ZNF282: variants seen among roughly 807,000 people sequenced by gnomAD.
The protein encoded by ZNF282 is HTLV-I U5 repressive element-binding protein 1.
A neutral mutation model predicts 61.9 loss-of-function variants in ZNF282; 30 were observed. The observed-to-expected ratio is 0.48, with a 90% CI of 0.36 to 0.66. The LOEUF is 0.66. ZNF282 is among the 30% of genes least tolerant of loss of function. ZNF282 has a pLI of 0.00. For missense variants in ZNF282, 788 were observed against 941.4 expected, an observed-to-expected ratio of 0.84 and a Z score of 2.13; for synonymous variants, 396 against 405.0, an observed-to-expected ratio of 0.98 and a Z score of 0.27.
Position 149,198,148 on chromosome 7 carries a change from GT to G in ZNF282, c.166-183del, listed in dbSNP as rs1425572124. ...TCACCTAGGCAGGAGATGGGAGAGT[GT>G]TGAGTTGGGTGGGTGGGTGAGTGGG... On this transcript the variant is annotated intron_variant, in intron 1 of 7. Transcript: ENST00000610704. The surrounding 1 kb of genome is among the most constrained non-coding windows in gnomAD (Gnocchi z 4.3). Among the ~76,000 whole-genome samples, 1 of 152,104 alleles carries G rather than the reference GT, an allele frequency of 6.6e-6. No homozygotes were observed. The highest frequency in any genetic ancestry group is 1.5e-5 in the Non-Finnish European group (1 of 68,008).
At chr7:149,204,188 G>A (rs952950960) in intron 2 of ZNF282, among the ~76,000 whole-genome samples, 2 of 152,128 alleles carry the variant, frequency 1.3e-5, no homozygotes, top group Non-Finnish European at 1.5e-5. Flanking sequence ...GTGCCAGATG[G>A]ACGGGAGGCA....
At position 149,198,875 on chromosome 7, in the gene ZNF282, GTCT is replaced by G. The variant is rs1433874806; in HGVS notation, c.585+128_585+130del. 3.0e-6 allele frequency: 4 copies of G among 1,352,396 alleles called. No individual in the cohort carries two copies. Among genetic ancestry groups the G allele is most frequent in the Admixed American group, 2.7e-5 (1 of 37,374 alleles). 83.8% of individuals were successfully genotyped at this position (1,352,396 alleles called of 1,614,324 possible). On this transcript the variant is annotated intron_variant, in intron 2 of 7. Coordinates refer to ENST00000610704, the MANE Select transcript of ZNF282 (RefSeq NM_003575.4). This position sits in a 1 kb window ranked among gnomAD's most constrained non-coding sequence, Gnocchi z 4.3. ...TGGCTCCCCGTTATCCAATTTCAGT[GTCT>G]TCTTAAAGCCTGTCTCCACTGAAAC...
At position 149,210,707 on chromosome 7, in the gene ZNF282, G is replaced by A. The variant is rs1236353408; in HGVS notation, c.952+3G>A. 6.3e-7 allele frequency: 1 copy of A among 1,585,574 alleles called. No individual in the cohort carries two copies. The highest frequency in any genetic ancestry group is 1.3e-5 in the African/African-American group (1 of 74,156). On this transcript the variant is annotated splice_donor_region_variant and intron_variant, in intron 5 of 7. Coordinates refer to ENST00000610704, the MANE Select transcript of ZNF282 (RefSeq NM_003575.4). ...CATCCCTACGGAATCCATTACCGGTGAGTGAGCCAAGCAGCCGTCCACACC... is the reference window on the plus strand; with the variant it reads ...CATCCCTACGGAATCCATTACCGGTAAGTGAGCCAAGCAGCCGTCCACACC...
intron 2 of ZNF282, 80 bp from the exon 3 acceptor site, chr7:149,206,616 G>T: frequency 6.3e-7 from 1 of 1,596,552 alleles, no homozygotes; most frequent in Non-Finnish European, 8.6e-7. Flanking sequence ...GTGGGGAGTG[G>T]GTCTTGTGGC....
At chr7:149,222,632 A>C (rs949370949) in intron 7 of ZNF282, among the ~76,000 whole-genome samples, 5 of 151,880 alleles carry the variant, frequency 3.3e-5, no homozygotes, top group Non-Finnish European at 7.4e-5. Flanking sequence ...ACAAAAATTT[A>C]TTTTTTATTT....
chr7:149,200,062 T>C (rs1186457544), intron 2 of ZNF282, among the ~76,000 whole-genome samples: 1 of 152,212 alleles, frequency 6.6e-6, no homozygotes, highest in African/African-American at 2.4e-5. Context: ...TTGAGATGTC[T>C]CTTAAGTCTT....
At chr7:149,218,337 C>T (rs1399783890) in intron 7 of ZNF282, among the ~76,000 whole-genome samples, 2 of 152,052 alleles carry the variant, frequency 1.3e-5, no homozygotes, top group African/African-American at 4.8e-5. Flanking sequence ...GAGAGTGTCA[C>T]TCATGGGTTG....
chr7:149,214,755 C>A (rs1210841167), intron 7 of ZNF282, among the ~76,000 whole-genome samples: 1 of 152,146 alleles, frequency 6.6e-6, no homozygotes, highest in Non-Finnish European at 1.5e-5. Flanking sequence ...ATCGCTTGAG[C>A]CTGGGAGGTC....
chr7:149,225,861 A>C lies in ZNF282; in HGVS notation c.*1214A>C, dbSNP rs1161917413. The C allele has an allele frequency of 2.6e-5, 4 of 152,728 alleles. No homozygotes were observed. Among genetic ancestry groups the C allele is most frequent in the Admixed American group, 6.5e-5 (1 of 15,280 alleles). 9.5% of individuals were successfully genotyped at this position (152,728 alleles called of 1,614,324 possible). On this transcript the variant is annotated 3_prime_UTR_variant, in exon 8 of 8. Coordinates refer to ENST00000610704, the MANE Select transcript of ZNF282 (RefSeq NM_003575.4). Reference sequence around the variant, plus strand: ...AAAGGATTCCCCTTCACGTTGGTGCACCTGCTCCATAGCTCCGGGCGCTGC... The same window carrying C: ...AAAGGATTCCCCTTCACGTTGGTGCCCCTGCTCCATAGCTCCGGGCGCTGC...
intron 2 of ZNF282, among the ~76,000 whole-genome samples, chr7:149,204,980 T>C (rs184422177): frequency 6.6e-5 from 10 of 152,038 alleles, no homozygotes; most frequent in African/African-American, 2.4e-4. Flanking sequence ...ACAAAAAAAT[T>C]AGCCAGGCGT....
intron 7 of ZNF282, among the ~76,000 whole-genome samples, chr7:149,223,192 T>G (rs1202210273): frequency 2.0e-5 from 3 of 151,194 alleles, no homozygotes; most frequent in African/African-American, 7.3e-5. Flanking sequence ...CAGGCTGGTC[T>G]CCAACTCCTG....
chr7:149,212,202 G>C (rs1796095142), intron 5 of ZNF282, 156 bp from the exon 6 acceptor site: 2 of 539,916 alleles, frequency 3.7e-6, no homozygotes, highest in Non-Finnish European at 6.5e-6. Context: ...TTGGGGCCAA[G>C]CTGACTTCAA....
At chr7:149,208,980 C>T (rs1796039311) in intron 4 of ZNF282, among the ~76,000 whole-genome samples, 1 of 134,586 alleles carries the variant, frequency 7.4e-6, no homozygotes, top group Non-Finnish European at 1.6e-5. Flanking sequence ...AAGATTGTGT[C>T]ACCGCACTCC....
intron 7 of ZNF282, among the ~76,000 whole-genome samples, chr7:149,222,472 G>C (rs1022732603): frequency 8.6e-5 from 13 of 152,016 alleles, no homozygotes; most frequent in African/African-American, 3.1e-4. Flanking sequence ...TCTTCCTATT[G>C]AGAGACTGTC....
At chr7:149,207,510 C>A in intron 4 of ZNF282, 40 bp downstream of exon 4, 1 of 1,552,066 alleles carries the variant, frequency 6.4e-7, no homozygotes, top group Non-Finnish European at 8.7e-7. Context: ...CAGGGAAGGG[C>A]GAGAGAGGAC....
chr7:149,210,674 G>C lies in ZNF282; in HGVS notation c.922G>C (p.Glu308Gln). 1 of 1,608,506 alleles carries C rather than the reference G, an allele frequency of 6.2e-7. No homozygotes were observed. Among genetic ancestry groups the C allele is most frequent in the African/African-American group, 1.3e-5 (1 of 74,846 alleles). Residue 308 changes from glutamate (E) to glutamine (Q), a missense_variant, in exon 5 of 8, where the codon GAA (glutamate) becomes CAA (glutamine). Physicochemically the swap from Glu to Gln is conservative, Grantham distance 29. Coordinates refer to ENST00000610704, the MANE Select transcript of ZNF282 (RefSeq NM_003575.4). ...LCVRGQRGLE[E>Q]RAIPTESITD... ...TGTCCGGGGTCAGCGGGGCCTGGAG[G>C]AAAGAGCCATCCCTACGGAATCCAT... is the stretch of plus-strand genomic sequence containing the variant.
chr7:149,197,354 G>A (rs1454700459), intron 1 of ZNF282, among the ~76,000 whole-genome samples: 3 of 152,204 alleles, frequency 2.0e-5, no homozygotes, highest in African/African-American at 7.2e-5. Context: ...TTTTCAATTT[G>A]GAAAATGTTT....
intron 7 of ZNF282, among the ~76,000 whole-genome samples, chr7:149,221,128 A>G (rs1796242821): frequency 6.6e-6 from 1 of 152,140 alleles, no homozygotes; most frequent in Non-Finnish European, 1.5e-5. Flanking sequence ...TAGGTTGCCT[A>G]GGCTGGTCTC....
intron 6 of ZNF282, 72 bp downstream of exon 6, chr7:149,212,543 T>C: frequency 8.3e-7 from 1 of 1,204,072 alleles, no homozygotes; most frequent in Non-Finnish European, 1.2e-6. Context: ...ATTAATAATT[T>C]ATTGTGTTTA....
Sources: gnomAD v4.1 joint callset for allele counts (sites outside exome capture counted in the v4.1 genomes callset) on GRCh38, gnomAD v4.1.1 for gene constraint, Gnocchi (gnomAD v3.1) non-coding constraint, MANE v1.5 for transcripts, NCBI Gene and HGNC (gene_info 2026-07-23, HGNC 2026-07-21) for gene names.